Variants in CMSS1 observed in about 807,000 individuals in gnomAD.
The protein encoded by CMSS1 is cms1 ribosomal small subunit homolog, also known as protein CMSS1.
A neutral mutation model predicts 43.5 loss-of-function variants in CMSS1; 33 were observed. The ratio of observed to expected loss-of-function variants is 0.76; its 90% CI spans 0.57 to 1.01. The LOEUF (loss-of-function observed/expected upper bound fraction) is 1.01, where lower values mean the gene tolerates loss of function less well. Among genes scored for constraint, CMSS1 ranks in the 50% least tolerant of loss-of-function variants. The probability of loss-of-function intolerance (pLI) is 0.00; values close to 1 mark genes in which losing one functional copy is unlikely to be tolerated. For missense variants in CMSS1, 313 were observed against 326.4 expected, an observed-to-expected ratio of 0.96 and a Z score of 0.32; for synonymous variants, 115 against 117.2, an observed-to-expected ratio of 0.98 and a Z score of 0.12.
chr3:99,903,161 G>A (rs1045672551), intron 1 of CMSS1, among the ~76,000 whole-genome samples: 1 of 152,058 alleles, frequency 6.6e-6, no homozygotes. Flanking sequence ...GTTGTTATGA[G>A]GATTAAAGTT....
At position 99,983,512 on chromosome 3, in the gene CMSS1, A is replaced by G. The variant is rs182686027; in HGVS notation, c.65-163461A>G. 2.0e-3 allele frequency among the ~76,000 whole-genome samples: 237 copies of G among 116,326 alleles called. 2 individuals are homozygous for G. Among genetic ancestry groups the G allele is most frequent in the African/African-American group, 6.6e-3 (199 of 30,194 alleles). 76.3% of individuals were successfully genotyped at this position (116,326 alleles called of 152,430 possible). A position where few individuals can be genotyped will look rare whatever the true frequency, so the allele number is the denominator to read the frequency against. ...TATATATATATATATATATATATGT[A>G]TATATATACACACACAAAAAGAAAA... is the stretch of plus-strand genomic sequence containing the variant. On this transcript the variant is annotated intron_variant, in intron 1 of 9. Transcript: ENST00000421999.
intron 1 of CMSS1, among the ~76,000 whole-genome samples, chr3:100,120,163 C>T (rs1029523693): frequency 1.3e-5 from 2 of 152,210 alleles, no homozygotes; most frequent in African/African-American, 4.8e-5. Context: ...TTCAATAATG[C>T]CAAAATACCA....
intron 1 of CMSS1, among the ~76,000 whole-genome samples, chr3:100,142,898 T>C (rs1267621697): frequency 6.6e-6 from 1 of 152,218 alleles, no homozygotes; most frequent in Non-Finnish European, 1.5e-5. Flanking sequence ...TGGGCACTCA[T>C]ATGTACCCTC....
At chr3:99,984,273 C>G (rs1709267022) in intron 1 of CMSS1, among the ~76,000 whole-genome samples, 1 of 152,038 alleles carries the variant, frequency 6.6e-6, no homozygotes, top group Non-Finnish European at 1.5e-5. Context: ...TGTAGAGTGT[C>G]CTGTCAAACA....
At chr3:99,930,688 A>G (rs771027695) in intron 1 of CMSS1, 19 of 1,469,742 alleles carry the variant, frequency 1.3e-5, no homozygotes, top group Non-Finnish European at 1.8e-5. Context: ...ACAGATATCT[A>G]TTTCTGTGGC....
intron 1 of CMSS1, among the ~76,000 whole-genome samples, chr3:100,046,403 A>G (rs2107305298): frequency 6.6e-6 from 1 of 152,156 alleles, no homozygotes; most frequent in East Asian, 1.9e-4. Context: ...TATTTCTCAA[A>G]GTTGTCACTG....
rs200211155 is a variant in CMSS1 at position 100,061,136 on chromosome 3, A to AT, written c.65-85834dup. 1.1e-3 allele frequency among the ~76,000 whole-genome samples: 160 copies of AT among 151,742 alleles called. 1 individual carries two copies. Among genetic ancestry groups the AT allele is most frequent in the Admixed American group, 3.1e-3 (47 of 15,234 alleles). Reference sequence around the variant, plus strand: ...ATCAAGGCAGAAAGGCACTGTTAAAATTTAAAAAAAAAAAAAATTTTAAAA... The same window carrying AT: ...ATCAAGGCAGAAAGGCACTGTTAAAATTTTAAAAAAAAAAAAAATTTTAAAA... On this transcript the variant is annotated intron_variant, in intron 1 of 9. Coordinates refer to ENST00000421999, the MANE Select transcript of CMSS1 (RefSeq NM_032359.4).
chr3:100,160,050 C>T, intron 2 of CMSS1: 2 of 400,828 alleles, frequency 5.0e-6, no homozygotes, highest in South Asian at 3.7e-5. Flanking sequence ...ACCTTAGTCA[C>T]TCTAGTCAAA....
intron 1 of CMSS1, chr3:99,876,173 C>A (rs935665246): frequency 2.0e-6 from 2 of 985,512 alleles, no homozygotes; most frequent in African/African-American, 3.5e-5. Flanking sequence ...CCGAACAATG[C>A]GAGCGGGGCG....
In CMSS1 at chr3:100,130,308, T is replaced by A. The variant is rs553414540; in HGVS notation, c.65-16665T>A. Among the ~76,000 whole-genome samples, 3 of 152,348 alleles carry A rather than the reference T, an allele frequency of 2.0e-5. No individual in the cohort carries two copies. The South Asian group carries it at 6.2e-4, about 32-fold the overall frequency. ...TTTGGGAAAGAAAAATTAATTCTAC[T>A]GGATGTTTCAGTGCACTACGTAGGC... On this transcript the variant is annotated intron_variant, in intron 1 of 9. Transcript: ENST00000421999.
At chr3:100,054,524 T>TATGTC (rs1448236375) in intron 1 of CMSS1, among the ~76,000 whole-genome samples, 8 of 151,146 alleles carry the variant, frequency 5.3e-5, no homozygotes, top group Non-Finnish European at 1.2e-4. Flanking sequence ...TATGTTATGT[T>TATGTC]ATGTTATGTT....
At chr3:99,848,639 A>G (rs1943488976) in intron 1 of CMSS1, 1 of 1,613,994 alleles carries the variant, frequency 6.2e-7, no homozygotes, top group Non-Finnish European at 8.5e-7. Flanking sequence ...TGCTCAGGAG[A>G]GCTAGCTGAA....
intron 1 of CMSS1, among the ~76,000 whole-genome samples, chr3:99,991,838 G>GTA (rs1709520266): frequency 6.8e-6 from 1 of 147,056 alleles, no homozygotes; most frequent in Non-Finnish European, 1.5e-5. Context: ...ATATATATAT[G>GTA]TGTGTGTGTG....
At chr3:100,090,763 C>T (rs1459746828) in intron 1 of CMSS1, among the ~76,000 whole-genome samples, 1 of 152,186 alleles carries the variant, frequency 6.6e-6, no homozygotes, top group African/African-American at 2.4e-5. Flanking sequence ...TGTCTGATCA[C>T]CACTGTCCTA....
chr3:100,167,679 T>TGG, intron 5 of CMSS1, 59 bp from the exon 6 acceptor site: 1 of 1,018,358 alleles, frequency 9.8e-7, no homozygotes, highest in East Asian at 2.4e-5. Flanking sequence ...ATGCTCAACT[T>TGG]GGGAGGTGTG....
rs545204222 is a variant in CMSS1, at chr3:100,061,927, A to G, written c.65-85046A>G. ...TCATTTTAACTATTGCTAACTGTGCAGTTTAATAGCATTAAGAACATTCAC... is the reference window on the plus strand; with the variant it reads ...TCATTTTAACTATTGCTAACTGTGCGGTTTAATAGCATTAAGAACATTCAC... On this transcript the variant is annotated intron_variant, in intron 1 of 9. Transcript: ENST00000421999. Among the ~76,000 whole-genome samples the G allele has an allele frequency of 3.3e-5, 5 of 152,172 alleles. No homozygotes were observed. In the East Asian group the frequency reaches 7.7e-4, roughly 24 times the overall value.
chr3:100,141,407 C>T (rs181106465), intron 1 of CMSS1: 8 of 324,816 alleles, frequency 2.5e-5, no homozygotes, highest in African/African-American at 4.4e-5. Context: ...CTGGGAGATA[C>T]GTGGCAGGAG....
At chr3:99,919,087 C>G (rs987832313) in intron 1 of CMSS1, among the ~76,000 whole-genome samples, 8 of 152,044 alleles carry the variant, frequency 5.3e-5, no homozygotes, top group Non-Finnish European at 4.4e-5. Flanking sequence ...TTTATACCCA[C>G]TGTGTATTGC....
chr3:100,016,502 C>T (rs1710344523), intron 1 of CMSS1, among the ~76,000 whole-genome samples: 1 of 152,124 alleles, frequency 6.6e-6, no homozygotes, highest in Admixed American at 6.6e-5. Context: ...CTGTTTATAA[C>T]TTTTCTGATT....
Sources: allele counts gnomAD v4.1 joint callset (sites outside exome capture counted in the v4.1 genomes callset), GRCh38; gene constraint gnomAD v4.1.1; transcripts MANE v1.5; gene names NCBI Gene and HGNC (gene_info 2026-07-23, HGNC 2026-07-21).